Variants in LRRIQ3 observed in about 807,000 individuals in gnomAD.
LRRIQ3 encodes the protein leucine-rich repeat and IQ domain-containing protein 3.
A neutral mutation model predicts 59.3 loss-of-function variants in LRRIQ3; 75 were observed. That is an observed-to-expected ratio of 1.26 (90% confidence interval 1.05 to 1.53). The LOEUF is 1.53. Ranked by LOEUF, LRRIQ3 falls within the 40% of genes most tolerant of loss-of-function variation. LRRIQ3 has a pLI of 0.00. For missense variants in LRRIQ3, 831 were observed against 710.0 expected (o/e 1.17, Z -1.94); for synonymous variants, 250 against 231.3 (o/e 1.08, Z -0.73).
intron 7 of LRRIQ3, among the ~76,000 whole-genome samples, chr1:74,038,274 C>A (rs1203401115): frequency 6.6e-6 from 1 of 152,190 alleles, no homozygotes; most frequent in Non-Finnish European, 1.5e-5. Flanking sequence ...GGAACTCCAA[C>A]AACTCCAGCC....
chr1:74,128,975 G>T (rs1316038814), intron 4 of LRRIQ3, among the ~76,000 whole-genome samples: 1 of 152,022 alleles, frequency 6.6e-6, no homozygotes, highest in Non-Finnish European at 1.5e-5. Context: ...GTCTCTCTCT[G>T]TGATGAGCTA....
At chr1:74,051,995 T>TGTA (rs1411481672) in intron 6 of LRRIQ3, among the ~76,000 whole-genome samples, 1 of 152,114 alleles carries the variant, frequency 6.6e-6, no homozygotes, top group Non-Finnish European at 1.5e-5. Context: ...TACAGGTTCC[T>TGTA]GAATAACTAT....
chr1:74,146,706 T>A (rs1282517242), intron 4 of LRRIQ3, among the ~76,000 whole-genome samples: 1 of 152,190 alleles, frequency 6.6e-6, no homozygotes, highest in Admixed American at 6.5e-5. Flanking sequence ...AACTTACAAG[T>A]TTTGAAACCT....
At chr1:74,079,782 T>C (rs1351323140) in intron 5 of LRRIQ3, among the ~76,000 whole-genome samples, 1 of 151,840 alleles carries the variant, frequency 6.6e-6, no homozygotes, top group Non-Finnish European at 1.5e-5. Flanking sequence ...CAGTTCAATA[T>C]GATGTAAAAC....
intron 5 of LRRIQ3, among the ~76,000 whole-genome samples, chr1:74,075,550 G>C (rs1646197153): frequency 6.6e-6 from 1 of 150,910 alleles, no homozygotes; most frequent in Non-Finnish European, 1.5e-5. Context: ...CTGGGCAACA[G>C]AGCGAGACTC....
chr1:74,100,582 A>C (rs1646515876), intron 5 of LRRIQ3, among the ~76,000 whole-genome samples: 1 of 152,218 alleles, frequency 6.6e-6, no homozygotes, highest in African/African-American at 2.4e-5. Context: ...GGAACCAAAA[A>C]ATAGCCTGCA....
At chr1:74,122,709 A>C (rs569536833) in intron 4 of LRRIQ3, among the ~76,000 whole-genome samples, 10 of 152,130 alleles carry the variant, frequency 6.6e-5, no homozygotes, top group Non-Finnish European at 4.4e-5. Context: ...AATGTTAGAC[A>C]TAAAACCATA....
intron 7 of LRRIQ3, among the ~76,000 whole-genome samples, chr1:74,030,389 C>A (rs1653666483): frequency 6.6e-6 from 1 of 152,132 alleles, no homozygotes; most frequent in Non-Finnish European, 1.5e-5. Flanking sequence ...ACCAAAACAG[C>A]ATGGTACTGG....
intron 6 of LRRIQ3, among the ~76,000 whole-genome samples, chr1:74,051,008 T>G (rs1203009157): frequency 6.6e-6 from 1 of 152,188 alleles, no homozygotes; most frequent in Non-Finnish European, 1.5e-5. Flanking sequence ...ATCTTACATC[T>G]CACATGTAAT....
At chr1:74,094,581 C>A in intron 5 of LRRIQ3, among the ~76,000 whole-genome samples, 1 of 152,056 alleles carries the variant, frequency 6.6e-6, no homozygotes, top group Non-Finnish European at 1.5e-5. Context: ...TTTTAGTCTT[C>A]TGGAACTATA....
intron 5 of LRRIQ3, among the ~76,000 whole-genome samples, chr1:74,100,145 T>C (rs951394362): frequency 6.6e-6 from 1 of 152,184 alleles, no homozygotes; most frequent in African/African-American, 2.4e-5. Flanking sequence ...CATGACTGTA[T>C]ATCTAGAAAA....
intron 7 of LRRIQ3, among the ~76,000 whole-genome samples, chr1:74,033,319 T>C (rs1653774982): frequency 6.6e-6 from 1 of 151,930 alleles, no homozygotes; most frequent in Non-Finnish European, 1.5e-5. Context: ...TTAGAGACAC[T>C]GGAGAGAATG....
intron 4 of LRRIQ3, among the ~76,000 whole-genome samples, chr1:74,121,320 A>G (rs1463902759): frequency 1.3e-5 from 2 of 152,154 alleles, no homozygotes; most frequent in Admixed American, 1.3e-4. Flanking sequence ...GCAAACAAAG[A>G]AAATGATATT....
chr1:74,143,705 C>A (rs1027232358), intron 4 of LRRIQ3, among the ~76,000 whole-genome samples: 1 of 151,226 alleles, frequency 6.6e-6, no homozygotes, highest in Non-Finnish European at 1.5e-5. Flanking sequence ...TTTACTATAA[C>A]AAATTATAAT....
chr1:74,189,488 G>T (rs138524314), intron 1 of LRRIQ3, among the ~76,000 whole-genome samples: 27 of 152,208 alleles, frequency 1.8e-4, no homozygotes, highest in African/African-American at 6.3e-4. Flanking sequence ...ACAGCCCATA[G>T]AATTTTTATG....
chr1:74,195,326 G>A (rs1051333989), intron 1 of LRRIQ3, among the ~76,000 whole-genome samples: 4 of 152,076 alleles, frequency 2.6e-5, no homozygotes, highest in African/African-American at 7.2e-5. Flanking sequence ...CATGCACTAC[G>A]AGCTCCACAG....
chr1:74,159,136 T>C (rs188897388), intron 3 of LRRIQ3, among the ~76,000 whole-genome samples: 192 of 152,276 alleles, frequency 1.3e-3, no homozygotes, highest in African/African-American at 4.5e-3. Flanking sequence ...GCCTAACCAT[T>C]ATGACTTTTG....
intron 4 of LRRIQ3, among the ~76,000 whole-genome samples, chr1:74,119,792 A>G (rs1430488741): frequency 1.3e-5 from 2 of 152,066 alleles, no homozygotes; most frequent in African/African-American, 4.8e-5. Context: ...TGATTTCTCT[A>G]TCCCTGTGCC....
intron 6 of LRRIQ3, among the ~76,000 whole-genome samples, chr1:74,053,693 C>CAAAG (rs546978490): frequency 0.01 from 1,532 of 151,752 alleles, 13 homozygotes; most frequent in Middle Eastern, 0.024. Context: ...TCTCTAAAAG[C>CAAAG]AAATAAATAA....
Sources: gnomAD v4.1 joint callset for allele counts (sites outside exome capture counted in the v4.1 genomes callset) on GRCh38, gnomAD v4.1.1 for gene constraint, MANE v1.5 for transcripts, NCBI Gene and HGNC (gene_info 2026-07-23, HGNC 2026-07-21) for gene names.